GTPBP6: variants seen among roughly 807,000 people sequenced by gnomAD.
The protein encoded by GTPBP6 is GTP binding protein 6.
GTPBP6 carries 33 observed loss-of-function variants against 28.9 expected under a neutral mutation model. The observed-to-expected ratio is 1.14, with a 90% CI of 0.87 to 1.53. The LOEUF (loss-of-function observed/expected upper bound fraction) is 1.53, where lower values mean the gene tolerates loss of function less well. GTPBP6 is among the 40% of genes most tolerant of loss of function. GTPBP6 has a pLI of 0.00. For missense variants in GTPBP6, 507 were observed against 408.3 expected, an observed-to-expected ratio of 1.24 and a Z score of -2.08; for synonymous variants, 231 against 192.7, an observed-to-expected ratio of 1.20 and a Z score of -1.65.
chrX:314,043 C>A, intron 5 of GTPBP6, 107 bp downstream of exon 5: 1 of 886,894 alleles, frequency 1.1e-6, no homozygotes, highest in Non-Finnish European at 1.9e-6. Context: ...GACGGAGACC[C>A]CAGCTGGACC....
Position 308,876 on chromosome X carries a change from C to T in GTPBP6, c.1126-996G>A, listed in dbSNP as rs2070227998. On this transcript the variant is annotated intron_variant, in intron 7 of 9. Transcript: ENST00000326153. ...AGCCTCTCTTGAGTAGCTGGGACTA[C>T]AGGCACCCGCCACCATGCCTGGCTA... Among the ~76,000 whole-genome samples, 3 of 151,712 alleles carry T rather than the reference C, an allele frequency of 2.0e-5. No homozygotes were observed. In the South Asian group the frequency reaches 6.2e-4, roughly 31 times the overall value.
chrX:317,097 C>A (rs1297502369), intron 1 of GTPBP6, 46 bp from the exon 2 acceptor site: 1 of 307,578 alleles, frequency 3.3e-6, no homozygotes, highest in Non-Finnish European at 5.4e-6. Context: ...CTGCCCGGGG[C>A]CCCCGTCCAC....
intron 5 of GTPBP6, among the ~76,000 whole-genome samples, chrX:313,175 A>T (rs1161672890): frequency 6.6e-6 from 1 of 152,210 alleles, no homozygotes; most frequent in Non-Finnish European, 1.5e-5. Flanking sequence ...CTCGGGGAGA[A>T]AGTAAAGGCC....
At chrX:314,950 C>G in exon 4 of GTPBP6, 1 of 398,742 alleles carries the variant, frequency 2.5e-6, no homozygotes, top group Non-Finnish European at 4.4e-6. Flanking sequence ...GCGGGCGTTA[C>G]AGCGGAAGAT....
At chrX:305,959 A>G (rs1290913601) in intron 9 of GTPBP6, among the ~76,000 whole-genome samples, 2 of 151,778 alleles carry the variant, frequency 1.3e-5, no homozygotes, top group Non-Finnish European at 2.9e-5. Flanking sequence ...ATGGGGTCTC[A>G]CCATGTTGCC....
At chrX:318,498 C>T (rs1417183730) in exon 1 of GTPBP6, 4 of 398,348 alleles carry the variant, frequency 1.0e-5, no homozygotes, top group African/African-American at 4.1e-5. Flanking sequence ...CAGACACACG[C>T]GCTGGGTCCC....
At chrX:314,323 G>A (rs1884530649) in intron 4 of GTPBP6, 106 bp from the exon 5 acceptor site, 5 of 920,416 alleles carry the variant, frequency 5.4e-6, no homozygotes, top group Admixed American at 1.9e-5. Context: ...CTGGGCCGAA[G>A]GGAGGAGCCG....
rs369969643 is a variant in GTPBP6 at position 312,748 on chromosome X, C to T, written c.916+18G>A. ...ACACGGAGACCGCGGAAGGCCCCTC[C>T]CCTGGGCGCGTGCTCACCGCAGTTG... On this transcript the variant is annotated intron_variant, in intron 6 of 9. Transcript: ENST00000326153. The T allele has an allele frequency of 4.6e-4, 738 of 1,592,310 alleles. 2 individuals are homozygous for T. In the African/African-American group the frequency reaches 9.3e-3, roughly 20 times the overall value.
Position 310,833 on chromosome X carries a change from G to A in GTPBP6, c.1125+586C>T, listed in dbSNP as rs780880638. On this transcript the variant is annotated intron_variant, in intron 7 of 9. Coordinates refer to ENST00000326153, the Ensembl canonical transcript of GTPBP6. The stretch of plus-strand genomic sequence containing the variant: ...ATTTGTGGCCCCTTTTGCAGTGACA[G>A]CCTCAGGACCCCACAGGTGTTTCCA... 1.8e-3 allele frequency among the ~76,000 whole-genome samples: 276 copies of A among 152,024 alleles called. 1 individual carries two copies. The highest frequency in any genetic ancestry group is 6.4e-3 in the African/African-American group (265 of 41,456).
At chrX:318,591 G>A (rs1224853214) in exon 1 of GTPBP6, 8 of 397,670 alleles carry the variant, frequency 2.0e-5, no homozygotes, top group African/African-American at 1.0e-4. Context: ...GTCGTCTCCC[G>A]TGCGGCTTCG....
chrX:307,988 G>A (rs1353120322), intron 7 of GTPBP6, 108 bp from the exon 8 acceptor site: 8 of 1,005,334 alleles, frequency 8.0e-6, no homozygotes, highest in African/African-American at 1.7e-5. Flanking sequence ...CGACAGGCTG[G>A]GCATGGGAGG....
At chrX:312,643 C>T (rs777767422) in intron 6 of GTPBP6, 123 bp downstream of exon 6, 30 of 1,009,716 alleles carry the variant, frequency 3.0e-5, no homozygotes, top group Admixed American at 1.9e-4. Context: ...CTCCTGGGCA[C>T]GTGCTCACCG....
intron 5 of GTPBP6, among the ~76,000 whole-genome samples, 183 bp downstream of exon 5, chrX:313,967 C>G (rs779148497): frequency 6.6e-6 from 1 of 152,350 alleles, no homozygotes; most frequent in Non-Finnish European, 1.5e-5. Flanking sequence ...GAGCCCCCAG[C>G]CAGCCCCCAC....
chrX:307,953 G>A, intron 7 of GTPBP6, 73 bp from the exon 8 acceptor site: 3 of 1,329,718 alleles, frequency 2.3e-6, no homozygotes, highest in Non-Finnish European at 2.0e-6. Context: ...ACAGGCCCAG[G>A]AGAGGGGCTC....
At chrX:311,849 C>T (rs982268106) in intron 6 of GTPBP6, 35 of 584,832 alleles carry the variant, frequency 6.0e-5, no homozygotes, top group Non-Finnish European at 9.3e-5. Flanking sequence ...CGTGCGGACA[C>T]GGGGGAGATG....
At chrX:318,439 C>T (rs2070480794) in exon 1 of GTPBP6, 2 of 398,484 alleles carry the variant, frequency 5.0e-6, no homozygotes, top group African/African-American at 4.1e-5. Flanking sequence ...CCGCGGTCAC[C>T]TCGAGTCATC....
intron 8 of GTPBP6, 105 bp from the exon 9 acceptor site, chrX:307,617 C>T: frequency 7.0e-7 from 1 of 1,437,684 alleles, no homozygotes. Context: ...TGGGGCCACT[C>T]CCTGTGTCCT....
chrX:317,563 G>A (rs1342702349), intron 1 of GTPBP6, among the ~76,000 whole-genome samples: 1 of 82,188 alleles, frequency 1.2e-5, no homozygotes, highest in Admixed American at 1.4e-4. Context: ...CCTGGGGGGT[G>A]GGGGGTGGGA....
At chrX:318,759 G>T in exon 1 of GTPBP6, 1 of 315,898 alleles carries the variant, frequency 3.2e-6, no homozygotes, top group East Asian at 5.0e-5. Context: ...CCGCAGCCCC[G>T]GGCGTACGGC....
Sources: allele counts gnomAD v4.1 joint callset (sites outside exome capture counted in the v4.1 genomes callset), GRCh38; gene constraint gnomAD v4.1.1; transcripts MANE v1.5; gene names NCBI Gene and HGNC (gene_info 2026-07-23, HGNC 2026-07-21).